The following MAPK8IP3 variants were observed in gnomAD, a reference collection of about 807,000 sequenced individuals.
MAPK8IP3 encodes C-Jun-amino-terminal kinase-interacting protein 3.
MAPK8IP3 carries 49 observed loss-of-function variants against 157.8 expected under a neutral mutation model. The observed-to-expected ratio is 0.31, with a 90% confidence interval of 0.25 to 0.39. MAPK8IP3 has a LOEUF of 0.39. Ranked by LOEUF, MAPK8IP3 falls within the 10% of genes least tolerant of loss-of-function variation. The probability of loss-of-function intolerance (pLI) is 1.00; values close to 1 mark genes in which losing one functional copy is unlikely to be tolerated. For missense variants in MAPK8IP3, 1,478 were observed against 1,889.4 expected (o/e 0.78, Z 4.04); for synonymous variants, 897 against 777.7 (o/e 1.15, Z -2.55).
At position 1,743,314 on chromosome 16, in the gene MAPK8IP3, T is replaced by C; in HGVS notation, c.603-18T>C. The C allele has an allele frequency of 6.5e-7, 1 of 1,541,910 alleles. No homozygotes were observed. Among genetic ancestry groups the C allele is most frequent in the Non-Finnish European group, 8.7e-7 (1 of 1,152,146 alleles). ...ACCCTCTAACCATCGCTTCCTCTCC[T>C]CTCGCCCCCCATTTCAGCAGGAAGG... On this transcript the variant is annotated intron_variant, in intron 4 of 31. Coordinates refer to ENST00000610761, the MANE Select transcript of MAPK8IP3 (RefSeq NM_001318852.2). This position sits in a 1 kb window ranked among gnomAD's most constrained non-coding sequence, Gnocchi z 5.6.
Position 1,741,771 on chromosome 16 carries a change from C to T in MAPK8IP3, c.603-1561C>T, listed in dbSNP as rs901986660. ...GTCACAACAGCTTGAGTGCCATGGACCAGCAGCCAAGATGGCACAGCCCAG... is the reference window on the plus strand; with the variant it reads ...GTCACAACAGCTTGAGTGCCATGGATCAGCAGCCAAGATGGCACAGCCCAG... On this transcript the variant is annotated intron_variant, in intron 4 of 31. Transcript: ENST00000610761. The surrounding 1 kb of genome is among the most constrained non-coding windows in gnomAD (Gnocchi z 6.9). 1.3e-5 allele frequency among the ~76,000 whole-genome samples: 2 copies of T among 152,108 alleles called. No individual in the cohort carries two copies. Among genetic ancestry groups the T allele is most frequent in the Non-Finnish European group, 2.9e-5 (2 of 67,994 alleles).
At chr16:1,745,294 TG>T in intron 5 of MAPK8IP3, 1 of 528,598 alleles carries the variant, frequency 1.9e-6, no homozygotes, top group Non-Finnish European at 2.4e-6. Context: ...ACACCCTGCC[TG>T]GCCACATGGG....
rs1567132525 is a variant in MAPK8IP3 at position 1,710,504 on chromosome 16, T to C, written c.318+3847T>C. On this transcript the variant is annotated intron_variant, in intron 1 of 31. Coordinates refer to ENST00000610761, the MANE Select transcript of MAPK8IP3 (RefSeq NM_001318852.2). The surrounding 1 kb of genome is among the most constrained non-coding windows in gnomAD (Gnocchi z 4.1). ...AAATAAATAGATAAAAATAAATAAATAAATGTCATCCATTTCATAGACTAT... is the reference window on the plus strand; with the variant it reads ...AAATAAATAGATAAAAATAAATAAACAAATGTCATCCATTTCATAGACTAT... 6.6e-6 allele frequency among the ~76,000 whole-genome samples: 1 copy of C among 151,904 alleles called. No individual in the cohort carries two copies. Among genetic ancestry groups the C allele is most frequent in the Non-Finnish European group, 1.5e-5 (1 of 67,978 alleles).
chr16:1,714,375 C>T (rs1261963005), intron 1 of MAPK8IP3, among the ~76,000 whole-genome samples: 1 of 152,222 alleles, frequency 6.6e-6, no homozygotes, highest in Non-Finnish European at 1.5e-5. Context: ...GAGCCCACAG[C>T]ATCATTACTC....
intron 4 of MAPK8IP3, among the ~76,000 whole-genome samples, chr16:1,735,394 C>T (rs1348883904): frequency 8.9e-5 from 13 of 146,526 alleles, no homozygotes; most frequent in Non-Finnish European, 1.5e-4. Context: ...TCGTGTGGAA[C>T]GTGTGACCGT....
intron 8 of MAPK8IP3, among the ~76,000 whole-genome samples, chr16:1,749,275 GCCATCCCTAAAAGAAAT>G (rs2041158122): frequency 6.6e-6 from 1 of 152,142 alleles, no homozygotes; most frequent in Non-Finnish European, 1.5e-5. Flanking sequence ...AGAATGTTCC[GCCATCCCTAAAAGAAAT>G]CCATGCCTGT....
chr16:1,753,881 A>G (rs954384502), intron 8 of MAPK8IP3, among the ~76,000 whole-genome samples: 4 of 151,952 alleles, frequency 2.6e-5, no homozygotes, highest in African/African-American at 7.2e-5. Context: ...TAGAATTGGT[A>G]TACTAGGACC....
intron 16 of MAPK8IP3, among the ~76,000 whole-genome samples, 160 bp downstream of exon 16, chr16:1,763,166 C>T (rs1048923642): frequency 1.8e-4 from 28 of 152,228 alleles, no homozygotes; most frequent in African/African-American, 6.3e-4. Flanking sequence ...CACTGCCTGC[C>T]CCTCCCTGCA....
Position 1,718,599 on chromosome 16 carries a change from G to A in MAPK8IP3, c.319-5958G>A, listed in dbSNP as rs147938818. Among the ~76,000 whole-genome samples, 197 of 150,394 alleles carry A rather than the reference G, an allele frequency of 1.3e-3. 5 individuals are homozygous for A. The East Asian group carries it at 0.039, about 30-fold the overall frequency. ...CCTTGAGGTCAGGAGTTCAAGAGCA[G>A]CCTGGCCAACATGGTGAAACCCTGT... On this transcript the variant is annotated intron_variant, in intron 1 of 31. Coordinates refer to ENST00000610761, the MANE Select transcript of MAPK8IP3 (RefSeq NM_001318852.2).
In MAPK8IP3 at chr16:1,738,915, CAT is replaced by C. The variant is rs551679375; in HGVS notation, c.603-4416_603-4415del. 5.1e-5 allele frequency among the ~76,000 whole-genome samples: 6 copies of C among 117,434 alleles called. No individual in the cohort carries two copies. In the East Asian group the frequency reaches 1.1e-3, roughly 22 times the overall value. The allele number at this position is 117,434 out of a possible 152,430, so 77.0% of individuals were successfully genotyped here. On this transcript the variant is annotated intron_variant, in intron 4 of 31. Coordinates refer to ENST00000610761, the MANE Select transcript of MAPK8IP3 (RefSeq NM_001318852.2). ...TCTGTGTGACCATCCGTGTAGCATC[CAT>C]GTGTGTGAGCGTCCGTGTGAGAGTG...
intron 8 of MAPK8IP3, chr16:1,752,108 C>T (rs1476138937): frequency 6.5e-6 from 1 of 152,908 alleles, no homozygotes; most frequent in Non-Finnish European, 1.5e-5. Context: ...GGCTGTGGTA[C>T]CCTGTGCTCA....
intron 4 of MAPK8IP3, among the ~76,000 whole-genome samples, chr16:1,737,880 G>A (rs1350870806): frequency 7.6e-5 from 6 of 79,292 alleles, no homozygotes; most frequent in Admixed American, 3.1e-4. Context: ...GTGACCGTCC[G>A]TGTGAGCATC....
At chr16:1,749,049 G>A (rs757631666) in intron 8 of MAPK8IP3, 43 of 400,812 alleles carry the variant, frequency 1.1e-4, no homozygotes, top group South Asian at 2.4e-4. Flanking sequence ...ATGCTGTGTC[G>A]TTTAGGGAAT....
intron 4 of MAPK8IP3, among the ~76,000 whole-genome samples, chr16:1,731,957 G>A (rs1367978831): frequency 1.3e-5 from 2 of 152,178 alleles, no homozygotes; most frequent in South Asian, 4.1e-4. Context: ...GGTTTCCAGG[G>A]CTCGGTGCTG....
At chr16:1,717,021 T>C (rs948116737) in intron 1 of MAPK8IP3, among the ~76,000 whole-genome samples, 24 of 151,834 alleles carry the variant, frequency 1.6e-4, no homozygotes, top group African/African-American at 5.8e-4. Flanking sequence ...ATTGTGCTAC[T>C]GCACTCCAGC....
chr16:1,746,404 G>C (rs1257091737), intron 5 of MAPK8IP3: 2 of 152,406 alleles, frequency 1.3e-5, no homozygotes, highest in African/African-American at 4.8e-5. Flanking sequence ...AGAATGTCTT[G>C]GTGGCGTCCC....
At chr16:1,739,293 CCT>C (rs2040425121) in intron 4 of MAPK8IP3, among the ~76,000 whole-genome samples, 1 of 106,226 alleles carries the variant, frequency 9.4e-6, no homozygotes, top group Admixed American at 1.1e-4. Context: ...TCCATGTGAG[CCT>C]GTGACCGTCC....
intron 2 of MAPK8IP3, among the ~76,000 whole-genome samples, chr16:1,725,411 T>G (rs2038812251): frequency 6.6e-6 from 1 of 150,916 alleles, no homozygotes; most frequent in Non-Finnish European, 1.5e-5. Flanking sequence ...GTGGATCACC[T>G]GAGCTTAGGA....
chr16:1,706,794 C>T lies in MAPK8IP3; in HGVS notation c.318+137C>T, dbSNP rs1254731965. 1.1e-5 allele frequency: 10 copies of T among 940,256 alleles called. No homozygotes were observed. Among genetic ancestry groups the T allele is most frequent in the Non-Finnish European group, 1.5e-5 (10 of 662,980 alleles). The allele number at this position is 940,256 out of a possible 1,614,324, so 58.2% of individuals were successfully genotyped here. ...GCGGGACCCCTGGACCCCCAGACCC[C>T]GCCCCGAGACCCGCCTGGACCCCAT... On this transcript the variant is annotated intron_variant, in intron 1 of 31. Coordinates refer to ENST00000610761, the MANE Select transcript of MAPK8IP3 (RefSeq NM_001318852.2). This position sits in a 1 kb window ranked among gnomAD's most constrained non-coding sequence, Gnocchi z 5.1.
Sources: allele counts gnomAD v4.1 joint callset (sites outside exome capture counted in the v4.1 genomes callset), GRCh38; gene constraint gnomAD v4.1.1; non-coding constraint Gnocchi (gnomAD v3.1); transcripts MANE v1.5; gene names NCBI Gene and HGNC (gene_info 2026-07-23, HGNC 2026-07-21).